The following INPP4B variants were observed in gnomAD, a reference collection of about 807,000 sequenced individuals.
The protein encoded by INPP4B is inositol polyphosphate 4-phosphatase type II.
INPP4B carries 55 observed loss-of-function variants against 122.5 expected under a neutral mutation model. That is an observed-to-expected ratio of 0.45 (90% CI 0.36 to 0.56). The LOEUF is 0.56. INPP4B is among the 20% of genes least tolerant of loss of function. The pLI is 0.00. For synonymous variants in INPP4B, 403 were observed against 388.7 expected (o/e 1.04, Z -0.43); for missense variants, 1,000 against 1,097.7 (o/e 0.91, Z 1.26).
At chr4:142,177,147 C>G (rs991459962) in intron 15 of INPP4B, among the ~76,000 whole-genome samples, 1 of 152,100 alleles carries the variant, frequency 6.6e-6, no homozygotes, top group Non-Finnish European at 1.5e-5. Flanking sequence ...ATCGGTTGTT[C>G]TGATGAAGTC....
At chr4:142,448,224 A>G (rs943888723) in intron 3 of INPP4B, among the ~76,000 whole-genome samples, 2 of 147,334 alleles carry the variant, frequency 1.4e-5, no homozygotes, top group Non-Finnish European at 3.0e-5. Flanking sequence ...CCAGGCATGG[A>G]GTGCTGGATG....
intron 1 of INPP4B, among the ~76,000 whole-genome samples, chr4:142,837,296 T>C (rs1042938877): frequency 1.3e-5 from 2 of 152,044 alleles, no homozygotes; most frequent in African/African-American, 4.8e-5. Context: ...TCTCAAACAA[T>C]AGTAGAAGAA....
intron 11 of INPP4B, among the ~76,000 whole-genome samples, chr4:142,260,106 T>G (rs1357101558): frequency 6.6e-6 from 1 of 152,140 alleles, no homozygotes; most frequent in Non-Finnish European, 1.5e-5. Flanking sequence ...TGCCTCAGCC[T>G]TCAGAATTGC....
chr4:142,669,050 C>T (rs946748719), intron 2 of INPP4B, among the ~76,000 whole-genome samples: 32 of 151,412 alleles, frequency 2.1e-4, no homozygotes, highest in Admixed American at 1.4e-3. Flanking sequence ...AGCAAGACTC[C>T]GCCTCAAAAG....
Position 142,026,179 on chromosome 4 carries a change from G to GT in INPP4B, c.*2602dup, listed in dbSNP as rs1280720532. On this transcript the variant is annotated 3_prime_UTR_variant, in exon 26 of 26. Coordinates refer to ENST00000262992, the MANE Select transcript of INPP4B (RefSeq NM_001101669.3). ...AAAATATAGATAGAATAGCATGACT[G>GT]TGGCTGTGTTTGTTCAAGAGAGATT... 16 of 152,154 alleles carry GT rather than the reference G, an allele frequency of 1.1e-4. No individual in the cohort carries two copies. The highest frequency in any genetic ancestry group is 2.0e-4 in the Admixed American group (3 of 15,276). 9.4% of individuals were successfully genotyped at this position (152,154 alleles called of 1,614,324 possible). A position where few individuals can be genotyped will look rare whatever the true frequency, so the allele number is the denominator to read the frequency against.
At chr4:142,141,594 C>T (rs1179447301) in intron 18 of INPP4B, among the ~76,000 whole-genome samples, 2 of 152,122 alleles carry the variant, frequency 1.3e-5, no homozygotes, top group Non-Finnish European at 2.9e-5. Flanking sequence ...TCTCTCAGCA[C>T]TATCTGCATT....
intron 7 of INPP4B, among the ~76,000 whole-genome samples, chr4:142,378,992 G>A (rs558597079): frequency 1.1e-4 from 17 of 152,102 alleles, no homozygotes; most frequent in Middle Eastern, 3.2e-3. Flanking sequence ...GCGGGTTGTG[G>A]TGAGTTAGCT....
intron 11 of INPP4B, among the ~76,000 whole-genome samples, chr4:142,256,658 G>C (rs1736284622): frequency 6.6e-6 from 1 of 152,170 alleles, no homozygotes; most frequent in Non-Finnish European, 1.5e-5. Context: ...AAACCAGGAA[G>C]AAGTTGAATC....
intron 2 of INPP4B, among the ~76,000 whole-genome samples, chr4:142,631,022 A>T (rs1022398158): frequency 1.3e-5 from 2 of 152,148 alleles, no homozygotes; most frequent in Admixed American, 6.6e-5. Flanking sequence ...TCATGCTAGG[A>T]CTCAAATTAT....
chr4:142,551,742 A>G (rs1728031971), intron 2 of INPP4B, among the ~76,000 whole-genome samples: 1 of 152,214 alleles, frequency 6.6e-6, no homozygotes, highest in Non-Finnish European at 1.5e-5. Flanking sequence ...GTGGAAGCAG[A>G]AGCTCAGAGT....
At chr4:142,819,499 A>G (rs1780543831) in intron 1 of INPP4B, among the ~76,000 whole-genome samples, 1 of 152,148 alleles carries the variant, frequency 6.6e-6, no homozygotes, top group Admixed American at 6.6e-5. Context: ...GGGATTATGA[A>G]ACTGGAATTC....
At chr4:142,552,301 T>C (rs375827263) in intron 2 of INPP4B, among the ~76,000 whole-genome samples, 5 of 152,240 alleles carry the variant, frequency 3.3e-5, no homozygotes, top group Non-Finnish European at 5.9e-5. Flanking sequence ...GAACCTGAGA[T>C]TATGCATTTC....
At chr4:142,506,043 T>TAATATTATCA (rs746441737) in intron 2 of INPP4B, among the ~76,000 whole-genome samples, 16 of 152,194 alleles carry the variant, frequency 1.1e-4, no homozygotes, top group Non-Finnish European at 2.2e-4. Flanking sequence ...ATAAAGAAAT[T>TAATATTATCA]AATATTATCA....
intron 11 of INPP4B, among the ~76,000 whole-genome samples, chr4:142,248,648 G>A (rs1348116373): frequency 1.3e-4 from 20 of 148,490 alleles, no homozygotes; most frequent in African/African-American, 5.1e-4. Flanking sequence ...GTGTGTGTGT[G>A]TGTATGTGTG....
At chr4:142,202,329 C>T (rs1019476013) in intron 14 of INPP4B, among the ~76,000 whole-genome samples, 2 of 152,144 alleles carry the variant, frequency 1.3e-5, no homozygotes, top group Non-Finnish European at 2.9e-5. Context: ...AATGAAGACA[C>T]GCTGACCTCA....
At chr4:142,461,812 C>T (rs1186425416) in intron 3 of INPP4B, among the ~76,000 whole-genome samples, 1 of 151,998 alleles carries the variant, frequency 6.6e-6, no homozygotes, top group Non-Finnish European at 1.5e-5. Context: ...TACAAACACA[C>T]ACACACACAC....
intron 2 of INPP4B, among the ~76,000 whole-genome samples, chr4:142,677,521 T>C (rs1757990484): frequency 6.6e-6 from 1 of 152,112 alleles, no homozygotes. Context: ...TAAATCATTC[T>C]AGTATAAAGA....
intron 25 of INPP4B, among the ~76,000 whole-genome samples, chr4:142,069,190 G>A (rs573847896): frequency 1.4e-4 from 22 of 152,154 alleles, no homozygotes; most frequent in South Asian, 8.3e-4. Flanking sequence ...ACTCAAAACC[G>A]CTCAACTACA....
intron 1 of INPP4B, among the ~76,000 whole-genome samples, chr4:142,812,686 T>A (rs1359189847): frequency 6.6e-6 from 1 of 152,156 alleles, no homozygotes; most frequent in Non-Finnish European, 1.5e-5. Context: ...TTATTTATAC[T>A]TTTTTATAAC....
Sources: gnomAD v4.1 joint callset for allele counts (sites outside exome capture counted in the v4.1 genomes callset) on GRCh38, gnomAD v4.1.1 for gene constraint, MANE v1.5 for transcripts, NCBI Gene and HGNC (gene_info 2026-07-23, HGNC 2026-07-21) for gene names.